DGKG: variants seen among roughly 807,000 people sequenced by gnomAD.
DGKG encodes diacylglycerol kinase gamma, also known as DAG kinase gamma.
A neutral mutation model predicts 105.3 loss-of-function variants in DGKG; 78 were observed. That is an observed-to-expected ratio of 0.74 (90% CI 0.62 to 0.89). DGKG has a LOEUF of 0.89. DGKG is among the 40% of genes least tolerant of loss of function. The pLI is 0.00. For missense variants in DGKG, 958 were observed against 1,020.1 expected (o/e 0.94, Z 0.83); for synonymous variants, 346 against 367.1 (o/e 0.94, Z 0.66).
intron 22 of DGKG, among the ~76,000 whole-genome samples, chr3:186,187,177 A>T (rs536239584): frequency 1.5e-3 from 221 of 152,294 alleles, no homozygotes; most frequent in Admixed American, 3.1e-3. Context: ...GACTGCTCTG[A>T]TGTGGTGGTG....
At chr3:186,216,466 G>T (rs1719299358) in intron 20 of DGKG, among the ~76,000 whole-genome samples, 1 of 152,058 alleles carries the variant, frequency 6.6e-6, no homozygotes, top group African/African-American at 2.4e-5. Context: ...CTTTGGTTTT[G>T]CACTCTGCTA....
At chr3:186,275,776 T>C (rs1722553823) in intron 9 of DGKG, 112 bp from the exon 10 acceptor site, 1 of 661,678 alleles carries the variant, frequency 1.5e-6, no homozygotes, top group African/African-American at 1.9e-5. Flanking sequence ...GATGAGTTAT[T>C]GATATTTTTT....
chr3:186,311,457 A>G lies in DGKG; in HGVS notation c.68-4480T>C, dbSNP rs193014984. On this transcript the variant is annotated intron_variant, in intron 2 of 24. Transcript: ENST00000265022. ...CAAGGTAGGAGCATGTTTTGCATTC[A>G]CCCAGACTGTCAGGACTATCCACAT... Among the ~76,000 whole-genome samples the G allele has an allele frequency of 3.2e-4, 49 of 152,328 alleles. 2 individuals carry two copies. The East Asian group carries it at 8.9e-3, about 28-fold the overall frequency.
At position 186,288,744 on chromosome 3, in the gene DGKG, C is replaced by G; in HGVS notation, c.510G>C (p.Leu170=). 2 of 1,614,194 alleles carry G rather than the reference C, an allele frequency of 1.2e-6. No homozygotes were observed. Among genetic ancestry groups the G allele is most frequent in the Non-Finnish European group, 1.7e-6 (2 of 1,180,026 alleles). The change falls in exon 6 of 25, where the codon CTG becomes CTC. Residue 170 remains leucine (L), a synonymous_variant. Transcript: ENST00000265022. Reference sequence around the variant, plus strand: ...TATCCTGAGGCCTCCCCGTCTCCAGCAGGGACAGGTAGCACACAACATCCT... The same window carrying G: ...TATCCTGAGGCCTCCCCGTCTCCAGGAGGGACAGGTAGCACACAACATCCT... ...YLKDVVCYLS[L]LETGRPQDKL...
chr3:186,260,937 G>GC (rs1327666849), intron 15 of DGKG, among the ~76,000 whole-genome samples: 1 of 152,152 alleles, frequency 6.6e-6, no homozygotes, highest in African/African-American at 2.4e-5. Flanking sequence ...CCAGGGAGAG[G>GC]CCCCCTGCAG....
intron 20 of DGKG, among the ~76,000 whole-genome samples, chr3:186,219,333 T>C (rs1264486213): frequency 6.6e-6 from 1 of 152,124 alleles, no homozygotes; most frequent in Admixed American, 6.5e-5. Flanking sequence ...TAATCCACGC[T>C]GCATGCTGTC....
chr3:186,278,737 A>T (rs1722699417), intron 9 of DGKG, among the ~76,000 whole-genome samples: 1 of 152,180 alleles, frequency 6.6e-6, no homozygotes, highest in Non-Finnish European at 1.5e-5. Context: ...CAGAGCTATG[A>T]AATGAAGATA....
chr3:186,311,205 T>C (rs1724524896), intron 2 of DGKG, among the ~76,000 whole-genome samples: 1 of 152,204 alleles, frequency 6.6e-6, no homozygotes, highest in Non-Finnish European at 1.5e-5. Flanking sequence ...CTTCCTGGAA[T>C]TCAGATGTAC....
intron 24 of DGKG, 26 bp downstream of exon 24, chr3:186,161,577 C>T (rs1225506814): frequency 1.2e-6 from 2 of 1,614,022 alleles, no homozygotes; most frequent in Admixed American, 1.7e-5. Flanking sequence ...CTTCTCATCC[C>T]CATCTCAAAG....
At chr3:186,282,901 G>T (rs540604369) in intron 7 of DGKG, among the ~76,000 whole-genome samples, 1 of 151,226 alleles carries the variant, frequency 6.6e-6, no homozygotes, top group Non-Finnish European at 1.5e-5. Flanking sequence ...TGGAGTAAAA[G>T]ATACACTTTT....
chr3:186,221,634 C>T (rs1719585861), intron 20 of DGKG, among the ~76,000 whole-genome samples: 1 of 152,158 alleles, frequency 6.6e-6, no homozygotes, highest in Non-Finnish European at 1.5e-5. Context: ...ATCCATCAGC[C>T]CTGGGAACTG....
At chr3:186,162,729 A>G (rs1382409844) in intron 23 of DGKG, among the ~76,000 whole-genome samples, 1 of 151,980 alleles carries the variant, frequency 6.6e-6, no homozygotes, top group Non-Finnish European at 1.5e-5. Flanking sequence ...TTTTTAGTAG[A>G]GACAGGGTTT....
chr3:186,323,156 C>T (rs1725161438), intron 1 of DGKG, among the ~76,000 whole-genome samples: 1 of 152,236 alleles, frequency 6.6e-6, no homozygotes, highest in Non-Finnish European at 1.5e-5. Context: ...GTTTCTACTG[C>T]CTGTAGAATA....
At chr3:186,300,245 T>A (rs1723858241) in intron 3 of DGKG, among the ~76,000 whole-genome samples, 1 of 152,152 alleles carries the variant, frequency 6.6e-6, no homozygotes. Flanking sequence ...ATGTTAAATG[T>A]CCACTATTCC....
At chr3:186,358,225 G>A (rs910168218) in intron 1 of DGKG, among the ~76,000 whole-genome samples, 3 of 152,264 alleles carry the variant, frequency 2.0e-5, no homozygotes, top group African/African-American at 7.2e-5. Context: ...TGCCTTCAGG[G>A]GGCTCATAGT....
intron 15 of DGKG, among the ~76,000 whole-genome samples, chr3:186,260,830 C>T (rs1386696597): frequency 1.3e-5 from 2 of 152,252 alleles, no homozygotes; most frequent in African/African-American, 4.8e-5. Context: ...AAGCTTTATC[C>T]TCCACAGAGA....
At chr3:186,162,282 G>A (rs1434612525) in intron 23 of DGKG, among the ~76,000 whole-genome samples, 1 of 152,224 alleles carries the variant, frequency 6.6e-6, no homozygotes, top group Non-Finnish European at 1.5e-5. Flanking sequence ...TGGATGAGCA[G>A]TGAAGTCCAC....
chr3:186,297,451 T>C lies in DGKG; in HGVS notation c.343A>G (p.Lys115Glu). 1 of 1,613,124 alleles carries C rather than the reference T, an allele frequency of 6.2e-7. No individual in the cohort carries two copies. The highest frequency in any genetic ancestry group is 1.7e-5 in the Admixed American group (1 of 60,022). The stretch of plus-strand genomic sequence containing the variant: ...TCAGGGGCACAGGCCTCGTCTGCTT[T>C]GGTGGCATTATCTGCATTCTGTATA... The part of the protein sequence containing the change: ...TNIQNADNAT[K>E]ADEACAPDTE... Residue 115 changes from lysine to glutamate, a missense_variant, in exon 5 of 25, where the codon AAA (lysine) becomes GAA (glutamate). Physicochemically the swap from Lys to Glu is moderately conservative, Grantham distance 56. Around this residue, in one of 2 missense-constraint regions of DGKG, gnomAD observed 643 missense variants for 619.5 expected, o/e 1.04. Transcript: ENST00000265022.
chr3:186,246,749 T>C (rs987330773), intron 19 of DGKG, among the ~76,000 whole-genome samples: 7 of 152,134 alleles, frequency 4.6e-5, no homozygotes, highest in African/African-American at 1.4e-4. Context: ...AAATTCCCTA[T>C]GTGTAGGACG....
Sources: allele counts gnomAD v4.1 joint callset (sites outside exome capture counted in the v4.1 genomes callset), GRCh38; gene constraint gnomAD v4.1.1; regional missense constraint gnomAD v4.1.1; transcripts MANE v1.5; gene names NCBI Gene and HGNC (gene_info 2026-07-23, HGNC 2026-07-21).